Variants in DPP10 observed in about 807,000 individuals in gnomAD.
The protein encoded by DPP10 is dipeptidyl peptidase like 10, also known as inactive dipeptidyl peptidase 10.
DPP10 carries 33 observed loss-of-function variants against 120.9 expected under a neutral mutation model. The observed-to-expected ratio is 0.27, with a 90% CI of 0.21 to 0.37. The LOEUF is 0.37. Among genes scored for constraint, DPP10 ranks in the 10% least tolerant of loss-of-function variants. The probability of loss-of-function intolerance (pLI) is 1.00; values close to 1 mark genes in which losing one functional copy is unlikely to be tolerated. For synonymous variants in DPP10, 337 were observed against 326.1 expected (o/e 1.03, Z -0.36); for missense variants, 816 against 942.8 (o/e 0.87, Z 1.76).
chr2:114,602,807 A>G (rs1407676959), intron 1 of DPP10, among the ~76,000 whole-genome samples: 1 of 152,086 alleles, frequency 6.6e-6, no homozygotes, highest in African/African-American at 2.4e-5. Flanking sequence ...CCTACTCCAG[A>G]CAACAACTGG....
rs1029831922 is a variant in DPP10, at chr2:115,024,849, C to CTA, written c.61-284376_61-284375dup. 1.4e-3 allele frequency among the ~76,000 whole-genome samples: 199 copies of CTA among 145,910 alleles called. 1 individual carries two copies. The Middle Eastern group carries it at 0.022, about 16-fold the overall frequency. ...TGGCCATATATGTGTGTGTGTGTAT[C>CTA]TATATATATATATATTTGAGGTTAT... On this transcript the variant is annotated intron_variant, in intron 1 of 25. Transcript: ENST00000410059.
At chr2:114,978,065 G>A (rs1049643741) in intron 1 of DPP10, among the ~76,000 whole-genome samples, 6 of 152,124 alleles carry the variant, frequency 3.9e-5, no homozygotes, top group Non-Finnish European at 5.9e-5. Flanking sequence ...AGAAGTACAA[G>A]TGAGTGAGGG....
chr2:115,421,080 G>A (rs2069905438), intron 3 of DPP10, among the ~76,000 whole-genome samples: 1 of 151,574 alleles, frequency 6.6e-6, no homozygotes, highest in African/African-American at 2.4e-5. Context: ...TAGTGTAGTG[G>A]CCCTATTTTT....
At chr2:115,777,693 G>A (rs111631210) in intron 14 of DPP10, 94 bp from the exon 15 acceptor site, 10 of 1,305,364 alleles carry the variant, frequency 7.7e-6, no homozygotes, top group African/African-American at 5.9e-5. Flanking sequence ...GATTCAATGT[G>A]AATTCAGGAT....
chr2:115,510,824 G>C (rs879864074), intron 4 of DPP10, among the ~76,000 whole-genome samples: 6 of 152,080 alleles, frequency 3.9e-5, no homozygotes, highest in African/African-American at 9.7e-5. Flanking sequence ...AAAAGAATGT[G>C]TTATATTTTT....
chr2:114,997,506 A>T (rs1008095866), intron 1 of DPP10, among the ~76,000 whole-genome samples: 6 of 6,754 alleles, frequency 8.9e-4, no homozygotes. Context: ...AAAAGAAAAA[A>T]AAAAAGAAAA....
chr2:115,453,657 A>G (rs893904107), intron 3 of DPP10, among the ~76,000 whole-genome samples: 3 of 151,620 alleles, frequency 2.0e-5, no homozygotes, highest in African/African-American at 7.2e-5. Flanking sequence ...GGGGGAATTT[A>G]TAGTTTTAAA....
intron 5 of DPP10, among the ~76,000 whole-genome samples, chr2:115,634,303 A>G (rs1391757732): frequency 1.3e-5 from 2 of 152,124 alleles, no homozygotes; most frequent in South Asian, 2.1e-4. Context: ...TGAGTTTTCA[A>G]CATTTTTTCA....
At chr2:115,719,206 G>A (rs779795225) in intron 7 of DPP10, among the ~76,000 whole-genome samples, 9 of 152,052 alleles carry the variant, frequency 5.9e-5, no homozygotes, top group Non-Finnish European at 1.0e-4. Flanking sequence ...CCTAAAAAGC[G>A]TGGATTAAAA....
At chr2:115,469,839 A>C (rs2074570674) in intron 3 of DPP10, among the ~76,000 whole-genome samples, 1 of 142,764 alleles carries the variant, frequency 7.0e-6, no homozygotes, top group African/African-American at 2.5e-5. Context: ...TGGAGGTTGC[A>C]GTGAGCTGAG....
At chr2:114,850,497 G>C (rs1363342113) in intron 1 of DPP10, among the ~76,000 whole-genome samples, 5 of 151,962 alleles carry the variant, frequency 3.3e-5, no homozygotes, top group African/African-American at 1.2e-4. Context: ...CAAATCATTT[G>C]TAAAATCATT....
chr2:115,298,755 T>A (rs2060997499), intron 1 of DPP10, among the ~76,000 whole-genome samples: 1 of 152,004 alleles, frequency 6.6e-6, no homozygotes, highest in South Asian at 2.1e-4. Flanking sequence ...AGGGCTGTGA[T>A]GGGGCTGAAT....
At position 114,665,010 on chromosome 2, in the gene DPP10, A is replaced by AAAAGATGGCAGAGAGCATC. The variant is rs1470271118; in HGVS notation, c.60+222172_60+222173insAAAGATGGCAGAGAGCATC. 1.3e-3 allele frequency among the ~76,000 whole-genome samples: 170 copies of AAAAGATGGCAGAGAGCATC among 127,060 alleles called. 8 individuals are homozygous for AAAAGATGGCAGAGAGCATC. Among genetic ancestry groups the AAAAGATGGCAGAGAGCATC allele is most frequent in the African/African-American group, 7.5e-3 (160 of 21,436 alleles). 83.4% of individuals were successfully genotyped at this position (127,060 alleles called of 152,430 possible). A position where few individuals can be genotyped will look rare whatever the true frequency, so the allele number is the denominator to read the frequency against. ...GCATCCAAAAGATGGCACAGAGCAT[A>AAAAGATGGCAGAGAGCATC]CAAAAGATGGCACAGAGCATACAAA... is the stretch of plus-strand genomic sequence containing the variant. On this transcript the variant is annotated intron_variant, in intron 1 of 25. Coordinates refer to ENST00000410059, the MANE Select transcript of DPP10 (RefSeq NM_020868.6).
At chr2:115,172,663 T>C (rs2053434502) in intron 1 of DPP10, among the ~76,000 whole-genome samples, 1 of 152,194 alleles carries the variant, frequency 6.6e-6, no homozygotes, top group Non-Finnish European at 1.5e-5. Context: ...TGAATTGATG[T>C]TTATTTTGCA....
intron 1 of DPP10, among the ~76,000 whole-genome samples, chr2:114,669,697 C>A (rs1409281363): frequency 6.6e-6 from 1 of 152,096 alleles, no homozygotes; most frequent in African/African-American, 2.4e-5. Context: ...GTCATTTGGG[C>A]TACCTTAAAT....
intron 1 of DPP10, among the ~76,000 whole-genome samples, chr2:114,885,711 A>C (rs1014210126): frequency 1.3e-5 from 2 of 152,200 alleles, no homozygotes; most frequent in African/African-American, 4.8e-5. Context: ...TTATTTAAAA[A>C]TAATGGAGGA....
At chr2:114,604,480 G>A (rs184489767) in intron 1 of DPP10, among the ~76,000 whole-genome samples, 7 of 152,178 alleles carry the variant, frequency 4.6e-5, no homozygotes, top group African/African-American at 9.6e-5. Flanking sequence ...ACCCATCTGC[G>A]TGTACAGATA....
intron 5 of DPP10, among the ~76,000 whole-genome samples, chr2:115,677,902 T>C (rs1032219449): frequency 6.6e-6 from 1 of 152,206 alleles, no homozygotes; most frequent in Middle Eastern, 3.2e-3. Context: ...TAAACTGCAC[T>C]TAACACCAAA....
At chr2:115,572,878 A>G (rs2149096189) in intron 5 of DPP10, among the ~76,000 whole-genome samples, 1 of 152,308 alleles carries the variant, frequency 6.6e-6, no homozygotes, top group Admixed American at 6.5e-5. Flanking sequence ...AGCCATGACT[A>G]CAGAATTTCA....
Sources: allele counts gnomAD v4.1 joint callset (sites outside exome capture counted in the v4.1 genomes callset), GRCh38; gene constraint gnomAD v4.1.1; transcripts MANE v1.5; gene names NCBI Gene and HGNC (gene_info 2026-07-23, HGNC 2026-07-21).